The following MARCHF1 variants were observed in gnomAD, a reference collection of about 807,000 sequenced individuals.
The protein encoded by MARCHF1 is membrane associated ring-CH-type finger 1, also known as E3 ubiquitin-protein ligase MARCHF1.
In MARCHF1, 40 loss-of-function variants were observed where a neutral mutation model predicts 54.2. That is an observed-to-expected ratio of 0.74 (90% CI 0.57 to 0.96). The LOEUF (loss-of-function observed/expected upper bound fraction) is 0.96, where lower values mean the gene tolerates loss of function less well. Ranked by LOEUF, MARCHF1 falls within the 40% of genes least tolerant of loss-of-function variation. The pLI, the probability that MARCHF1 is intolerant of heterozygous loss-of-function variation, is 0.00. For missense variants in MARCHF1, 586 were observed against 656.5 expected, an observed-to-expected ratio of 0.89 and a Z score of 1.17; for synonymous variants, 236 against 236.3, an observed-to-expected ratio of 1.00 and a Z score of 0.01.
intron 1 of MARCHF1, among the ~76,000 whole-genome samples, chr4:164,273,306 C>T (rs1399862835): frequency 6.6e-6 from 1 of 152,094 alleles, no homozygotes; most frequent in African/African-American, 2.4e-5. Flanking sequence ...CTTATAAAAC[C>T]ATCAAATCTT....
At chr4:164,215,297 G>A (rs190126417) in intron 1 of MARCHF1, among the ~76,000 whole-genome samples, 4 of 152,100 alleles carry the variant, frequency 2.6e-5, no homozygotes, top group African/African-American at 9.7e-5. Flanking sequence ...GCCTGCCAGC[G>A]TTCTGGCGTC....
intron 1 of MARCHF1, among the ~76,000 whole-genome samples, chr4:164,250,046 A>G (rs1393246959): frequency 1.3e-5 from 2 of 152,076 alleles, no homozygotes; most frequent in Non-Finnish European, 2.9e-5. Flanking sequence ...TCTGCCCAGG[A>G]GCACAGATAG....
intron 1 of MARCHF1, among the ~76,000 whole-genome samples, chr4:164,195,299 A>C (rs1378831969): frequency 1.3e-5 from 2 of 152,118 alleles, no homozygotes; most frequent in East Asian, 3.9e-4. Flanking sequence ...TTCCAAATGC[A>C]ATTTTACACG....
At chr4:164,115,068 G>A (rs1755912772) in intron 1 of MARCHF1, among the ~76,000 whole-genome samples, 1 of 151,998 alleles carries the variant, frequency 6.6e-6, no homozygotes. Flanking sequence ...ATATAAGAAA[G>A]TTTAAATTTA....
intron 1 of MARCHF1, among the ~76,000 whole-genome samples, chr4:164,181,995 T>C (rs773478688): frequency 1.3e-5 from 2 of 152,128 alleles, no homozygotes; most frequent in Admixed American, 6.5e-5. Context: ...TAATAGACAA[T>C]TCATGCTGTA....
At chr4:163,906,908 C>A (rs1751081460) in intron 3 of MARCHF1, among the ~76,000 whole-genome samples, 1 of 151,678 alleles carries the variant, frequency 6.6e-6, no homozygotes, top group Admixed American at 6.6e-5. Flanking sequence ...CATTGAAAAT[C>A]AATAAAGTAT....
At chr4:164,142,918 C>T (rs1442011762) in intron 1 of MARCHF1, among the ~76,000 whole-genome samples, 1 of 151,962 alleles carries the variant, frequency 6.6e-6, no homozygotes, top group Non-Finnish European at 1.5e-5. Flanking sequence ...AAATTGAAAA[C>T]TTTGAAAAAA....
At chr4:164,358,560 G>C (rs1578896714) in intron 1 of MARCHF1, among the ~76,000 whole-genome samples, 1 of 152,250 alleles carries the variant, frequency 6.6e-6, no homozygotes, top group Middle Eastern at 3.4e-3. Context: ...TTTTGCTTTG[G>C]TGACATACAC....
intron 1 of MARCHF1, among the ~76,000 whole-genome samples, chr4:164,167,964 C>T (rs1170553649): frequency 6.6e-6 from 1 of 151,822 alleles, no homozygotes; most frequent in Non-Finnish European, 1.5e-5. Context: ...AAAGGAAATA[C>T]TCAAAAAATG....
intron 4 of MARCHF1, among the ~76,000 whole-genome samples, chr4:163,751,918 A>G (rs1746532850): frequency 1.3e-5 from 2 of 150,306 alleles, no homozygotes; most frequent in East Asian, 1.9e-4. Flanking sequence ...GAGAAACTAG[A>G]TGGGAGGACT....
intron 5 of MARCHF1, among the ~76,000 whole-genome samples, chr4:163,615,386 G>A (rs1436248268): frequency 2.0e-5 from 3 of 151,996 alleles, no homozygotes; most frequent in African/African-American, 7.2e-5. Context: ...AAATTTGCAG[G>A]ATACACATCA....
intron 2 of MARCHF1, among the ~76,000 whole-genome samples, chr4:164,053,587 C>T (rs540390342): frequency 2.6e-5 from 4 of 152,248 alleles, no homozygotes; most frequent in East Asian, 1.9e-4. Context: ...TGAATTAGCC[C>T]TATTTCAGCC....
intron 1 of MARCHF1, among the ~76,000 whole-genome samples, chr4:164,264,165 A>T (rs941247558): frequency 6.6e-6 from 1 of 152,242 alleles, no homozygotes; most frequent in Non-Finnish European, 1.5e-5. Context: ...CGCCGCCATT[A>T]AAAAATGATA....
chr4:163,896,924 T>C (rs963544384), intron 3 of MARCHF1, among the ~76,000 whole-genome samples: 2 of 152,208 alleles, frequency 1.3e-5, no homozygotes, highest in Non-Finnish European at 2.9e-5. Context: ...ACAGTATCTA[T>C]ATTAATTCAA....
intron 1 of MARCHF1, among the ~76,000 whole-genome samples, chr4:164,313,348 C>CAAATAAAAAAAAAAAAA (rs1734916405): frequency 1.2e-5 from 1 of 80,240 alleles, no homozygotes; most frequent in African/African-American, 4.7e-5. Context: ...GACTCTGTCT[C>CAAATAAAAAAAAAAAAA]AAAAAAAAAA....
At chr4:163,589,606 G>T (rs759126871) in intron 7 of MARCHF1, among the ~76,000 whole-genome samples, 2 of 151,940 alleles carry the variant, frequency 1.3e-5, no homozygotes, top group Non-Finnish European at 1.5e-5. Flanking sequence ...ATTAAAGAAA[G>T]AATTAAATAA....
rs1323403922 is a variant in MARCHF1, at chr4:163,705,770, TA to T, written c.112-4908del. Reference sequence around the variant, plus strand: ...ACTACAAAAATTATAGAACCTCTATTAGGGGTGCTTGCTATAATTATTCAAC... The same window carrying T: ...ACTACAAAAATTATAGAACCTCTATTGGGGTGCTTGCTATAATTATTCAAC... On this transcript the variant is annotated intron_variant, in intron 4 of 9. Coordinates refer to ENST00000514618, the MANE Select transcript of MARCHF1 (RefSeq NM_001394959.1). Among the ~76,000 whole-genome samples, 23 of 152,114 alleles carry T rather than the reference TA, an allele frequency of 1.5e-4. No homozygotes were observed. The South Asian group carries it at 2.5e-3, about 16-fold the overall frequency.
intron 5 of MARCHF1, among the ~76,000 whole-genome samples, chr4:163,689,750 G>A (rs183209193): frequency 6.6e-6 from 1 of 151,702 alleles, no homozygotes; most frequent in Non-Finnish European, 1.5e-5. Flanking sequence ...TATCATGTGT[G>A]GGATGAGTAA....
chr4:163,836,926 G>C, intron 4 of MARCHF1, among the ~76,000 whole-genome samples: 1 of 151,990 alleles, frequency 6.6e-6, no homozygotes, highest in Non-Finnish European at 1.5e-5. Flanking sequence ...TGAAGCAGAA[G>C]CCATTCTAAT....
Sources: gnomAD v4.1 joint callset for allele counts (sites outside exome capture counted in the v4.1 genomes callset) on GRCh38, gnomAD v4.1.1 for gene constraint, MANE v1.5 for transcripts, NCBI Gene and HGNC (gene_info 2026-07-23, HGNC 2026-07-21) for gene names.